Variants in MAN1B1 observed in about 807,000 individuals in gnomAD.
MAN1B1 encodes endoplasmic reticulum mannosyl-oligosaccharide 1,2-alpha-mannosidase.
A neutral mutation model predicts 75.5 loss-of-function variants in MAN1B1; 66 were observed. The observed-to-expected ratio is 0.87, with a 90% CI of 0.72 to 1.07. The LOEUF (loss-of-function observed/expected upper bound fraction) is 1.07. Among genes scored for constraint, MAN1B1 ranks in the 50% least tolerant of loss-of-function variants. The pLI is 0.00. For synonymous variants in MAN1B1, 453 were observed against 382.8 expected, an observed-to-expected ratio of 1.18 and a Z score of -2.14; for missense variants, 973 against 912.5, an observed-to-expected ratio of 1.07 and a Z score of -0.85.
rs1247473341 is a variant in MAN1B1 at position 137,097,919 on chromosome 9, AGGACACAG to A, written c.715_722del (p.Thr239HisfsTer14). ...CACCAAGCCTCCCCTGCCACCGGCC[AGGACACAG>A]GGCACACCAGGTGAGGCCACACCTG... On this transcript the variant is annotated frameshift_variant, in exon 5 of 13. Transcript: ENST00000371589. LOFTEE classifies it high-confidence loss of function. 6.4e-7 allele frequency: 1 copy of A among 1,557,854 alleles called. No homozygotes were observed.
intron 12 of MAN1B1, chr9:137,108,117 C>T (rs1488929716): frequency 6.6e-6 from 4 of 610,532 alleles, no homozygotes; most frequent in African/African-American, 1.9e-5. Context: ...GCCCTGTGCC[C>T]TGTGCCCTGT....
chr9:137,090,312 C>T (rs112629568), intron 3 of MAN1B1, among the ~76,000 whole-genome samples: 1 of 152,256 alleles, frequency 6.6e-6, no homozygotes, highest in Non-Finnish European at 1.5e-5. Context: ...GGAGCTTCAC[C>T]TGTGGCCAGA....
At chr9:137,096,187 G>C in intron 3 of MAN1B1, 50 bp from the exon 4 acceptor site, 3 of 1,608,218 alleles carry the variant, frequency 1.9e-6, no homozygotes, top group Non-Finnish European at 1.7e-6. Context: ...GGGAAAGAAG[G>C]GCAGCTCGCA....
intron 5 of MAN1B1, among the ~76,000 whole-genome samples, chr9:137,098,601 G>A (rs1830722859): frequency 6.6e-6 from 1 of 152,188 alleles, no homozygotes; most frequent in Admixed American, 6.5e-5. Flanking sequence ...GCATCAATGA[G>A]GGCAGAGGCA....
chr9:137,087,952 A>AG (rs1305659107), intron 1 of MAN1B1, 123 bp from the exon 2 acceptor site: 2 of 865,388 alleles, frequency 2.3e-6, no homozygotes, highest in Admixed American at 2.1e-5. Context: ...CAAAAAAAAA[A>AG]AGAAATAGAG....
chr9:137,102,061 G>T (rs1242931994), intron 8 of MAN1B1: 1 of 453,814 alleles, frequency 2.2e-6, no homozygotes, highest in East Asian at 6.5e-5. Context: ...ACATGCTGTT[G>T]CAGGAGTACA....
In MAN1B1 at chr9:137,108,595, G is replaced by A. The variant is rs1327775238; in HGVS notation, c.*4G>A. The A allele has an allele frequency of 6.2e-7, 1 of 1,613,570 alleles. No individual in the cohort carries two copies. On this transcript the variant is annotated 3_prime_UTR_variant, in exon 13 of 13. Coordinates refer to ENST00000371589, the MANE Select transcript of MAN1B1 (RefSeq NM_016219.5). ...GCCTATCTGGACCCCTGCCTAGGGT[G>A]GATGGCTGCTGGTGTGGGGACTTCG...
At chr9:137,089,592 G>C (rs545506907) in intron 3 of MAN1B1, among the ~76,000 whole-genome samples, 2 of 152,216 alleles carry the variant, frequency 1.3e-5, no homozygotes, top group East Asian at 3.8e-4. Flanking sequence ...GGTCCTGCAG[G>C]TCCTGGAGGC....
At chr9:137,089,177 C>T in intron 3 of MAN1B1, 172 bp downstream of exon 3, 1 of 835,622 alleles carries the variant, frequency 1.2e-6, no homozygotes, top group South Asian at 1.5e-5. Context: ...GTAGTCTTTG[C>T]TTCATTCTTT....
intron 3 of MAN1B1, among the ~76,000 whole-genome samples, chr9:137,091,671 T>C (rs1830521593): frequency 1.3e-5 from 2 of 151,934 alleles, no homozygotes; most frequent in African/African-American, 4.8e-5. Flanking sequence ...GGACTACAGG[T>C]GCCCGCCACC....
intron 12 of MAN1B1, chr9:137,107,954 CCA>C (rs1418140339): frequency 9.5e-6 from 6 of 633,488 alleles, no homozygotes; most frequent in Admixed American, 8.5e-5. Flanking sequence ...CAGCATCCCC[CCA>C]GTTTAGGAGG....
chr9:137,101,509 C>T lies in MAN1B1; in HGVS notation c.1091C>T (p.Pro364Leu). Residue 364 changes from proline to leucine, a missense_variant, in exon 8 of 13, where the codon CCT (proline) becomes CTT (leucine). Coordinates refer to ENST00000371589, the MANE Select transcript of MAN1B1 (RefSeq NM_016219.5). The part of the protein sequence containing the change: ...KAEDFGNRLM[P>L]AFRTPSKIPY... ...GAGGATTTTGGAAATCGGCTAATGC[C>T]TGCCTTCAGAACACCATCCAAGATT... 6.2e-7 allele frequency: 1 copy of T among 1,613,934 alleles called. No homozygotes were observed. Among genetic ancestry groups the T allele is most frequent in the Non-Finnish European group, 8.5e-7 (1 of 1,180,050 alleles).
chr9:137,087,182 C>T lies in MAN1B1; in HGVS notation c.183C>T (p.Asp61=), dbSNP rs202182837. ...CGCTGAGCTTTGGCGAGAACTATGA[C>T]AACAGCAAGAGTTGGCGGCGGCGCT... ...SVTLSFGENY[D]NSKSWRRRSC... Residue 61 remains aspartate (D), a synonymous_variant, in exon 1 of 13, where the codon GAC becomes GAT. Coordinates refer to ENST00000371589, the MANE Select transcript of MAN1B1 (RefSeq NM_016219.5). 5.6e-4 allele frequency: 884 copies of T among 1,591,500 alleles called. 9 individuals are homozygous for T. The African/African-American group carries it at 9.5e-3, about 17-fold the overall frequency.
intron 3 of MAN1B1, among the ~76,000 whole-genome samples, chr9:137,091,521 A>AT (rs964752016): frequency 0.22 from 19,793 of 89,746 alleles, 2,578 homozygotes; most frequent in Non-Finnish European, 0.32. Flanking sequence ...TTTGTTTTAT[A>AT]TTTTTTTTTT....
chr9:137,088,742 C>T, intron 2 of MAN1B1, 127 bp from the exon 3 acceptor site: 5 of 1,022,254 alleles, frequency 4.9e-6, no homozygotes, highest in Non-Finnish European at 7.5e-6. Flanking sequence ...GAATTCATTT[C>T]AGTGACTATC....
chr9:137,097,743 T>G, intron 4 of MAN1B1, 85 bp from the exon 5 acceptor site: 2 of 1,063,242 alleles, frequency 1.9e-6, no homozygotes, highest in Non-Finnish European at 2.8e-6. Flanking sequence ...GGCTGTGCCT[T>G]GGCCGTGGGT....
chr9:137,101,328 T>C (rs1316285794), intron 7 of MAN1B1, among the ~76,000 whole-genome samples, 156 bp from the exon 8 acceptor site: 2 of 152,196 alleles, frequency 1.3e-5, no homozygotes, highest in Non-Finnish European at 2.9e-5. Flanking sequence ...CCACTGGCCT[T>C]GTAGAGACAT....
chr9:137,086,990 C>T lies in MAN1B1; in HGVS notation c.-10C>T, dbSNP rs765672522. 32 of 1,584,168 alleles carry T rather than the reference C, an allele frequency of 2.0e-5. No individual in the cohort carries two copies. Among genetic ancestry groups the T allele is most frequent in the Non-Finnish European group, 2.5e-5 (29 of 1,167,320 alleles). Reference sequence around the variant, plus strand: ...ATCCGTGTGATGGGCGGGCTGTTGACGGCGCTGCGATGGCTGCCTGCGAGG... The same window carrying T: ...ATCCGTGTGATGGGCGGGCTGTTGATGGCGCTGCGATGGCTGCCTGCGAGG... On this transcript the variant is annotated 5_prime_UTR_variant, in exon 1 of 13. The change creates a new upstream start codon in the 5' untranslated region. Coordinates refer to ENST00000371589, the MANE Select transcript of MAN1B1 (RefSeq NM_016219.5).
intron 5 of MAN1B1, 33 bp downstream of exon 5, chr9:137,097,970 G>T: frequency 6.7e-7 from 1 of 1,489,138 alleles, no homozygotes; most frequent in Admixed American, 2.0e-5. Context: ...TCCTCCCCGG[G>T]CGCTCAGGGG....
Sources: gnomAD v4.1 joint callset for allele counts (sites outside exome capture counted in the v4.1 genomes callset) on GRCh38, gnomAD v4.1.1 for gene constraint, MANE v1.5 for transcripts, NCBI Gene and HGNC (gene_info 2026-07-23, HGNC 2026-07-21) for gene names.